The following SRSF3 variants were observed in gnomAD, a reference collection of about 807,000 sequenced individuals.
The protein encoded by SRSF3 is serine and arginine rich splicing factor 3, also known as serine/arginine-rich splicing factor 3.
For missense variants in SRSF3, 58 were observed against 217.1 expected (o/e 0.27, Z 4.61); for synonymous variants, 87 against 73.6 (o/e 1.18, Z -0.93).
rs1053756893 is a variant in SRSF3 at position 36,604,029 on chromosome 6, A to G, written c.*2040A>G. On this transcript the variant is annotated 3_prime_UTR_variant, in exon 6 of 6. Transcript: ENST00000373715. ...AGTTACTTTAACCAGGAGCCCTAGCATAACCTCAAGACTCTTAGAAACTTT... is the reference window on the plus strand; with the variant it reads ...AGTTACTTTAACCAGGAGCCCTAGCGTAACCTCAAGACTCTTAGAAACTTT... The G allele has an allele frequency of 2.2e-5, 5 of 230,318 alleles. No individual in the cohort carries two copies. The highest frequency in any genetic ancestry group is 1.2e-4 in the East Asian group (2 of 16,098). The allele number at this position is 230,318 out of a possible 1,614,324, so 14.3% of individuals were successfully genotyped here. A position where few individuals can be genotyped will look rare whatever the true frequency, so the allele number is the denominator to read the frequency against.
Position 36,602,421 on chromosome 6 carries a change from T to A in SRSF3, c.*432T>A. 4.3e-6 allele frequency: 1 copy of A among 232,862 alleles called. No homozygotes were observed. The highest frequency in any genetic ancestry group is 8.4e-6 in the Non-Finnish European group (1 of 118,486). The allele number at this position is 232,862 out of a possible 1,614,324, so 14.4% of individuals were successfully genotyped here. On this transcript the variant is annotated 3_prime_UTR_variant, in exon 6 of 6. Coordinates refer to ENST00000373715, the MANE Select transcript of SRSF3 (RefSeq NM_003017.5). Reference sequence around the variant, plus strand: ...AGTTGAACAAGCAGTCTTTAAAAACTGCTGTGAAACACAGGCCATCAGGGA... The same window carrying A: ...AGTTGAACAAGCAGTCTTTAAAAACAGCTGTGAAACACAGGCCATCAGGGA...
chr6:36,597,792 G>A (rs191403417), intron 2 of SRSF3, among the ~76,000 whole-genome samples: 94 of 148,918 alleles, frequency 6.3e-4, no homozygotes, highest in Middle Eastern at 6.9e-3. Flanking sequence ...TTAAGGGTGA[G>A]GAATAATGGT....
In SRSF3 at chr6:36,604,867, A is replaced by G. The variant is rs957476070; in HGVS notation, c.*2878A>G. ...TACCCTTGGTGATGTGAGAACCACT[A>G]GTTTAGTATTTTGTCCAAGTATGCT... On this transcript the variant is annotated 3_prime_UTR_variant, in exon 6 of 6. Coordinates refer to ENST00000373715, the MANE Select transcript of SRSF3 (RefSeq NM_003017.5). The G allele has an allele frequency of 6.6e-6, 1 of 152,182 alleles. No homozygotes were observed. 9.4% of individuals were successfully genotyped at this position (152,182 alleles called of 1,614,324 possible). A position where few individuals can be genotyped will look rare whatever the true frequency, so the allele number is the denominator to read the frequency against.
At chr6:36,601,461 C>A (rs1356039136) in intron 4 of SRSF3, 46 of 566,992 alleles carry the variant, frequency 8.1e-5, no homozygotes, top group Non-Finnish European at 1.0e-4. Flanking sequence ...GATCCTCCCT[C>A]TTCAGCCTCC....
intron 3 of SRSF3, chr6:36,600,203 T>C: frequency 9.5e-7 from 1 of 1,057,886 alleles, no homozygotes; most frequent in East Asian, 7.4e-5. Flanking sequence ...GCAAAACCTT[T>C]TCAGCAAATT....
At position 36,602,156 on chromosome 6, in the gene SRSF3, T is replaced by C; in HGVS notation, c.*167T>C. On this transcript the variant is annotated 3_prime_UTR_variant, in exon 6 of 6. Coordinates refer to ENST00000373715, the MANE Select transcript of SRSF3 (RefSeq NM_003017.5). ...TGAAACAGTGACACAAAGGTGTAAT[T>C]CTCTATGGTTTGAAATGGATCATAC... 7.5e-7 allele frequency: 1 copy of C among 1,328,124 alleles called. No homozygotes were observed. The highest frequency in any genetic ancestry group is 1.6e-5 in the South Asian group (1 of 60,668). 82.3% of individuals were successfully genotyped at this position (1,328,124 alleles called of 1,614,324 possible). A position where few individuals can be genotyped will look rare whatever the true frequency, so the allele number is the denominator to read the frequency against.
In SRSF3 at chr6:36,602,147, A is replaced by G; in HGVS notation, c.*158A>G. 7.3e-7 allele frequency: 1 copy of G among 1,373,684 alleles called. No individual in the cohort carries two copies. Among genetic ancestry groups the G allele is most frequent in the African/African-American group, 1.5e-5 (1 of 68,700 alleles). 85.1% of individuals were successfully genotyped at this position (1,373,684 alleles called of 1,614,324 possible). A position where few individuals can be genotyped will look rare whatever the true frequency, so the allele number is the denominator to read the frequency against. On this transcript the variant is annotated 3_prime_UTR_variant, in exon 6 of 6. Transcript: ENST00000373715. ...TTTGTCTCTTGAAACAGTGACACAAAGGTGTAATTCTCTATGGTTTGAAAT... is the reference window on the plus strand; with the variant it reads ...TTTGTCTCTTGAAACAGTGACACAAGGGTGTAATTCTCTATGGTTTGAAAT...
intron 4 of SRSF3, 142 bp downstream of exon 4, chr6:36,601,332 T>C: frequency 2.5e-6 from 2 of 809,810 alleles, no homozygotes; most frequent in South Asian, 1.7e-5. Flanking sequence ...CAGCTTTCTT[T>C]GAGTTTTCAA....
chr6:36,600,952 C>CT (rs1778700607), intron 3 of SRSF3, 200 bp from the exon 4 acceptor site: 1 of 436,596 alleles, frequency 2.3e-6, no homozygotes, highest in African/African-American at 2.5e-5. Flanking sequence ...TTCACTTGAG[C>CT]TTTTTGTTTC....
intron 1 of SRSF3, among the ~76,000 whole-genome samples, chr6:36,596,350 ATTGTT>A (rs1778626833): frequency 6.6e-6 from 1 of 152,018 alleles, no homozygotes; most frequent in Admixed American, 6.6e-5. Flanking sequence ...TTTCTTCATC[ATTGTT>A]TTATTTAGTT....
chr6:36,601,828 G>A (rs752462338), intron 5 of SRSF3, 34 bp downstream of exon 5: 2 of 1,603,862 alleles, frequency 1.2e-6, no homozygotes, highest in Non-Finnish European at 1.7e-6. Context: ...TTAAGACTTT[G>A]CATACATAGT....
At chr6:36,598,612 G>C in intron 2 of SRSF3, 1 of 436,716 alleles carries the variant, frequency 2.3e-6, no homozygotes, top group Non-Finnish European at 4.1e-6. Context: ...TCGAACTCTT[G>C]ACCTTGTGAT....
At chr6:36,594,761 G>T (rs1329415470) in intron 1 of SRSF3, 1 of 151,696 alleles carries the variant, frequency 6.6e-6, no homozygotes, top group Admixed American at 6.6e-5. Context: ...TCCAGGTCAC[G>T]GCCTTTTTAT....
rs1347426178 is a variant in SRSF3, at chr6:36,603,534, G to A, written c.*1545G>A. ...ATAAGTCATTGCATTAAGAGTTCAA[G>A]CTAAATGGATACATTAAGATACAGT... On this transcript the variant is annotated 3_prime_UTR_variant, in exon 6 of 6. Coordinates refer to ENST00000373715, the MANE Select transcript of SRSF3 (RefSeq NM_003017.5). The A allele has an allele frequency of 1.8e-5, 4 of 226,664 alleles. No homozygotes were observed. The South Asian group carries it at 7.3e-4, about 41-fold the overall frequency. The allele number at this position is 226,664 out of a possible 1,614,324, so 14.0% of individuals were successfully genotyped here. A position where few individuals can be genotyped will look rare whatever the true frequency, so the allele number is the denominator to read the frequency against.
At chr6:36,597,372 C>T (rs1024287735) in intron 2 of SRSF3, among the ~76,000 whole-genome samples, 1 of 152,142 alleles carries the variant, frequency 6.6e-6, no homozygotes, top group African/African-American at 2.4e-5. Flanking sequence ...TCCCAAAGTG[C>T]TGGAATTACA....
chr6:36,594,938 C>T (rs900810005), intron 1 of SRSF3, among the ~76,000 whole-genome samples: 11 of 152,178 alleles, frequency 7.2e-5, no homozygotes, highest in Admixed American at 2.0e-4. Flanking sequence ...AATCTAATCA[C>T]CTTTTTCTAA....
chr6:36,601,654 T>C, intron 4 of SRSF3, 54 bp from the exon 5 acceptor site: 1 of 1,471,906 alleles, frequency 6.8e-7, no homozygotes, highest in Middle Eastern at 2.4e-4. Flanking sequence ...AAGAAAATAT[T>C]TATGTATAAT....
In SRSF3 at chr6:36,605,418, G is replaced by A. The variant is rs1175328255; in HGVS notation, c.*3429G>A. ...GGCAGGAGAAGTGCTTAAACCTGGT[G>A]GGTGGAGGTTGCCATGAGCCGAGAT... On this transcript the variant is annotated 3_prime_UTR_variant, in exon 6 of 6. Transcript: ENST00000373715. 1 of 151,746 alleles carries A rather than the reference G, an allele frequency of 6.6e-6. No individual in the cohort carries two copies. The highest frequency in any genetic ancestry group is 1.5e-5 in the Non-Finnish European group (1 of 67,942). The allele number at this position is 151,746 out of a possible 1,614,324, so 9.4% of individuals were successfully genotyped here.
At chr6:36,596,220 G>A (rs1168789110) in intron 1 of SRSF3, among the ~76,000 whole-genome samples, 1 of 152,098 alleles carries the variant, frequency 6.6e-6, no homozygotes, top group South Asian at 2.1e-4. Flanking sequence ...GCCGCGCCCG[G>A]TCCATGGGCA....
Sources: allele counts gnomAD v4.1 joint callset (sites outside exome capture counted in the v4.1 genomes callset), GRCh38; gene constraint gnomAD v4.1.1; transcripts MANE v1.5; gene names NCBI Gene and HGNC (gene_info 2026-07-23, HGNC 2026-07-21).